The following AFF3 variants were observed in gnomAD, a reference collection of about 807,000 sequenced individuals.
The protein encoded by AFF3 is ALF transcription elongation factor 3, also known as AF4/FMR2 family member 3.
Under a neutral mutation model 129.7 loss-of-function variants are expected in AFF3, and 32 were observed. That is an observed-to-expected ratio of 0.25 (90% confidence interval 0.19 to 0.33). The LOEUF (loss-of-function observed/expected upper bound fraction) is 0.33, where lower values mean the gene tolerates loss of function less well. Ranked by LOEUF, AFF3 falls within the 10% of genes least tolerant of loss-of-function variation. The probability of loss-of-function intolerance (pLI) is 1.00; values close to 1 mark genes in which losing one functional copy is unlikely to be tolerated. For missense variants in AFF3, 1,373 were observed against 1,592.0 expected (o/e 0.86, Z 2.34); for synonymous variants, 644 against 635.4 (o/e 1.01, Z -0.20).
intron 24 of AFF3, among the ~76,000 whole-genome samples, chr2:99,553,363 A>C (rs2104477997): frequency 6.6e-6 from 1 of 152,208 alleles, no homozygotes; most frequent in East Asian, 1.9e-4. Flanking sequence ...TCTGCCATAC[A>C]TTCCTTATCT....
At chr2:99,662,055 G>T (rs554486947) in intron 12 of AFF3, among the ~76,000 whole-genome samples, 2 of 152,054 alleles carry the variant, frequency 1.3e-5, no homozygotes, top group East Asian at 1.9e-4. Flanking sequence ...CAGGAGAATC[G>T]CTTGAACCCG....
At chr2:99,920,248 A>G (rs1179100073) in intron 7 of AFF3, among the ~76,000 whole-genome samples, 5 of 152,090 alleles carry the variant, frequency 3.3e-5, no homozygotes, top group African/African-American at 9.7e-5. Context: ...AACCAAAGAC[A>G]TTATAAGAAA....
intron 4 of AFF3, among the ~76,000 whole-genome samples, chr2:100,016,760 A>C (rs1359031128): frequency 7.5e-6 from 1 of 133,474 alleles, no homozygotes; most frequent in Non-Finnish European, 1.6e-5. Flanking sequence ...TGTTAGTGAC[A>C]GTAGTAGTGA....
At chr2:99,944,625 T>A (rs1278913022) in intron 7 of AFF3, among the ~76,000 whole-genome samples, 1 of 152,116 alleles carries the variant, frequency 6.6e-6, no homozygotes, top group Non-Finnish European at 1.5e-5. Context: ...GCTCTACTAC[T>A]TTTTGTTTTT....
intron 7 of AFF3, among the ~76,000 whole-genome samples, chr2:99,845,890 T>C (rs551425714): frequency 3.9e-5 from 6 of 151,992 alleles, no homozygotes; most frequent in Non-Finnish European, 5.9e-5. Flanking sequence ...TGGAGTGCAG[T>C]GGTGCGATCT....
intron 11 of AFF3, among the ~76,000 whole-genome samples, chr2:99,704,996 A>G (rs181219551): frequency 6.6e-6 from 1 of 152,350 alleles, no homozygotes; most frequent in Non-Finnish European, 1.5e-5. Context: ...AAGAAGGTAG[A>G]GGAAAAAAAC....
At chr2:99,920,600 A>C (rs180818295) in intron 7 of AFF3, among the ~76,000 whole-genome samples, 1 of 152,190 alleles carries the variant, frequency 6.6e-6, no homozygotes, top group Non-Finnish European at 1.5e-5. Flanking sequence ...AGGGCATTTG[A>C]CAGTGAAATT....
At chr2:99,991,312 T>C (rs1479247637) in intron 7 of AFF3, among the ~76,000 whole-genome samples, 1 of 152,210 alleles carries the variant, frequency 6.6e-6, no homozygotes, top group Non-Finnish European at 1.5e-5. Flanking sequence ...TTGATCTTCT[T>C]GCCATGTTTG....
intron 7 of AFF3, among the ~76,000 whole-genome samples, chr2:99,916,276 G>A (rs1004096089): frequency 4.6e-5 from 7 of 152,044 alleles, no homozygotes; most frequent in South Asian, 2.1e-4. Context: ...AATCCCTCCC[G>A]TCCTGCCTGG....
intron 7 of AFF3, among the ~76,000 whole-genome samples, chr2:99,841,101 C>A (rs1689287160): frequency 6.6e-6 from 1 of 152,224 alleles, no homozygotes; most frequent in Non-Finnish European, 1.5e-5. Flanking sequence ...TACAAATACT[C>A]TTAAAATTAA....
intron 22 of AFF3, among the ~76,000 whole-genome samples, chr2:99,558,138 C>T (rs1317566662): frequency 6.6e-6 from 1 of 152,156 alleles, no homozygotes; most frequent in East Asian, 1.9e-4. Context: ...CATCTCTTAC[C>T]ATTTTAAATA....
At chr2:99,667,396 TACTTATATCATA>T (rs1292748155) in intron 12 of AFF3, among the ~76,000 whole-genome samples, 1 of 152,180 alleles carries the variant, frequency 6.6e-6, no homozygotes, top group Non-Finnish European at 1.5e-5. Context: ...TAGCACTAAA[TACTTATATCATA>T]AAAAAGAACG....
In AFF3 at chr2:100,057,032, T is replaced by G. The variant is rs1338343769; in HGVS notation, c.53+47370A>C. ...AGAAAACTATTTCTGTTGAAAACTT[T>G]GGCCACACTGGGCCAGGCATGGTCA... On this transcript the variant is annotated intron_variant, in intron 4 of 24. Coordinates refer to ENST00000672756, the MANE Select transcript of AFF3 (RefSeq NM_001386135.1). Among the ~76,000 whole-genome samples the G allele has an allele frequency of 2.0e-5, 3 of 152,286 alleles. No homozygotes were observed. In the East Asian group the frequency reaches 5.8e-4, roughly 29 times the overall value.
In AFF3 at chr2:99,956,148, C is replaced by T. The variant is rs112748125; in HGVS notation, c.873+50484G>A. 1.9e-3 allele frequency among the ~76,000 whole-genome samples: 287 copies of T among 149,704 alleles called. 1 individual carries two copies. The highest frequency in any genetic ancestry group is 3.4e-3 in the South Asian group (16 of 4,766). On this transcript the variant is annotated intron_variant, in intron 7 of 24. Transcript: ENST00000672756. ...TTTTTTTTTTTTGGCTGCAAAGATGCTTTAAAAATATATTGTTTTAGTCCA... is the reference window on the plus strand; with the variant it reads ...TTTTTTTTTTTTGGCTGCAAAGATGTTTTAAAAATATATTGTTTTAGTCCA...
At chr2:100,007,088 T>G in intron 6 of AFF3, 60 bp downstream of exon 6, 3 of 1,592,706 alleles carry the variant, frequency 1.9e-6, no homozygotes, top group Non-Finnish European at 2.6e-6. Flanking sequence ...TCTTTTTTCA[T>G]TATAGTTCTC....
At position 99,554,460 on chromosome 2, in the gene AFF3, G is replaced by A; in HGVS notation, c.3410C>T (p.Ser1137Phe). 1.2e-6 allele frequency: 2 copies of A among 1,614,066 alleles called. No homozygotes were observed. The highest frequency in any genetic ancestry group is 1.7e-6 in the Non-Finnish European group (2 of 1,180,038). Residue 1137 changes from serine to phenylalanine, a missense_variant, in exon 24 of 25, where the codon TCC (serine) becomes TTC (phenylalanine). Physicochemically the swap from Ser to Phe is radical, Grantham distance 155. Transcript: ENST00000672756. ...ASSVGSQGSL[S>F]NASALSPSTI... The stretch of plus-strand genomic sequence containing the variant: ...CGACGGGGACAGGGCGCTGGCGTTG[G>A]AGAGGCTGCCCTGAGACCCCACGGA...
chr2:99,729,972 T>C (rs879460856), intron 10 of AFF3, among the ~76,000 whole-genome samples: 27 of 152,144 alleles, frequency 1.8e-4, no homozygotes, highest in Middle Eastern at 3.4e-3. Context: ...GGGGAAAAAA[T>C]GAGCCACGGA....
intron 7 of AFF3, among the ~76,000 whole-genome samples, chr2:99,926,846 T>G (rs1166459996): frequency 6.6e-6 from 1 of 151,970 alleles, no homozygotes; most frequent in African/African-American, 2.4e-5. Context: ...GTTAACAGAT[T>G]AAAAATTTAA....
intron 1 of AFF3, among the ~76,000 whole-genome samples, chr2:100,138,046 A>T (rs1460630141): frequency 6.6e-6 from 1 of 152,146 alleles, no homozygotes; most frequent in Non-Finnish European, 1.5e-5. Flanking sequence ...CAACGATTAG[A>T]TTGCCCATGA....
Sources: gnomAD v4.1 joint callset for allele counts (sites outside exome capture counted in the v4.1 genomes callset) on GRCh38, gnomAD v4.1.1 for gene constraint, MANE v1.5 for transcripts, NCBI Gene and HGNC (gene_info 2026-07-23, HGNC 2026-07-21) for gene names.